ESYT2: variants seen among roughly 807,000 people sequenced by gnomAD.
The protein encoded by ESYT2 is extended synaptotagmin 2, also known as extended synaptotagmin-2.
In ESYT2, 54 loss-of-function variants were observed where a neutral mutation model predicts 107.2. The ratio of observed to expected loss-of-function variants is 0.50; its 90% confidence interval spans 0.40 to 0.63. The LOEUF is 0.63. Among genes scored for constraint, ESYT2 ranks in the 30% least tolerant of loss-of-function variants. ESYT2 has a pLI of 0.00. For missense variants in ESYT2, 1,020 were observed against 1,094.5 expected (o/e 0.93, Z 0.96); for synonymous variants, 491 against 434.1 (o/e 1.13, Z -1.63).
intron 1 of ESYT2, among the ~76,000 whole-genome samples, chr7:158,828,724 CGG>C (rs950833523): frequency 1.3e-5 from 2 of 152,114 alleles, no homozygotes; most frequent in African/African-American, 4.8e-5. Context: ...CGGCCCCAGG[CGG>C]ACAGGTTCGC....
At position 158,787,045 on chromosome 7, in the gene ESYT2, G is replaced by A. The variant is rs534165652; in HGVS notation, c.747+959C>T. Among the ~76,000 whole-genome samples the A allele has an allele frequency of 2.6e-5, 4 of 152,258 alleles. No individual in the cohort carries two copies. In the South Asian group the frequency reaches 8.3e-4, roughly 32 times the overall value. On this transcript the variant is annotated intron_variant, in intron 6 of 22. Coordinates refer to ENST00000275418, the MANE Select transcript of ESYT2 (RefSeq NM_001367773.1). ...TGTGGGCTGATACAGACAACCATAT[G>A]GGCAGTGTGCACCTGGAGAAGATGA...
intron 21 of ESYT2, among the ~76,000 whole-genome samples, chr7:158,735,073 CACAGCTGACGAAA>C (rs1189505113): frequency 6.6e-6 from 1 of 152,238 alleles, no homozygotes; most frequent in Non-Finnish European, 1.5e-5. Context: ...TCCATGGCAG[CACAGCTGACGAAA>C]TGATGCCCGT....
At chr7:158,786,214 T>C (rs546607938) in intron 6 of ESYT2, among the ~76,000 whole-genome samples, 3 of 152,346 alleles carry the variant, frequency 2.0e-5, no homozygotes, top group South Asian at 4.1e-4. Context: ...AACAGCACTA[T>C]TAAATTTTGA....
At chr7:158,790,598 C>A (rs1321323080) in intron 4 of ESYT2, among the ~76,000 whole-genome samples, 1 of 152,164 alleles carries the variant, frequency 6.6e-6, no homozygotes, top group Non-Finnish European at 1.5e-5. Context: ...TCTTCAATTT[C>A]TGTTTTTTTC....
chr7:158,827,261 G>A (rs1020371639), intron 1 of ESYT2, among the ~76,000 whole-genome samples: 4 of 151,782 alleles, frequency 2.6e-5, no homozygotes, highest in African/African-American at 9.7e-5. Flanking sequence ...ATCTATGAAA[G>A]TCAGCATCAT....
intron 7 of ESYT2, among the ~76,000 whole-genome samples, chr7:158,768,198 T>C (rs1008622536): frequency 1.2e-4 from 19 of 152,310 alleles, no homozygotes; most frequent in Non-Finnish European, 2.4e-4. Context: ...CAAACATACA[T>C]ATAAGTACAG....
intron 10 of ESYT2, among the ~76,000 whole-genome samples, chr7:158,762,755 C>A (rs539525876): frequency 6.6e-6 from 1 of 152,184 alleles, no homozygotes; most frequent in African/African-American, 2.4e-5. Context: ...GAACTCAATA[C>A]GGCGGCAGGT....
At chr7:158,801,314 TTAG>T (rs914005448) in intron 1 of ESYT2, among the ~76,000 whole-genome samples, 7 of 152,250 alleles carry the variant, frequency 4.6e-5, no homozygotes, top group Non-Finnish European at 8.8e-5. Flanking sequence ...GAGCCGTCTC[TTAG>T]TAGTGTTATC....
chr7:158,829,173 C>T lies in ESYT2; in HGVS notation c.246G>A (p.Leu82=). The change falls in exon 1 of 23, where the codon CTG becomes CTA. Residue 82 remains leucine (L), a synonymous_variant. Transcript: ENST00000275418. The stretch of plus-strand genomic sequence containing the variant: ...GCAGCGCCAGCGCGCGGCACAGGCG[C>T]AGGGCCTTGAGGCCGCGGCTGCGGC... ...WCRRSRGLKA[L]RLCRALALLE... 17 of 1,546,616 alleles carry T rather than the reference C, an allele frequency of 1.1e-5. No homozygotes were observed. Among genetic ancestry groups the T allele is most frequent in the Non-Finnish European group, 1.5e-5 (17 of 1,154,806 alleles).
intron 13 of ESYT2, 59 bp from the exon 14 acceptor site, chr7:158,752,902 A>G: frequency 8.8e-7 from 1 of 1,133,684 alleles, no homozygotes; most frequent in Non-Finnish European, 1.2e-6. Flanking sequence ...AATGAAGTTT[A>G]TGTAAGGTTA....
chr7:158,747,067 G>C (rs959624710), intron 16 of ESYT2, among the ~76,000 whole-genome samples: 1 of 150,236 alleles, frequency 6.7e-6, no homozygotes, highest in Admixed American at 6.7e-5. Context: ...ACAAAGAGGC[G>C]GGGTGCGTTG....
intron 6 of ESYT2, among the ~76,000 whole-genome samples, chr7:158,787,568 A>C (rs1839154827): frequency 6.6e-6 from 1 of 152,214 alleles, no homozygotes; most frequent in Admixed American, 6.5e-5. Context: ...TATCAGACTA[A>C]ACTGGATCTG....
intron 1 of ESYT2, among the ~76,000 whole-genome samples, chr7:158,812,884 C>A (rs548143274): frequency 3.8e-4 from 58 of 152,146 alleles, no homozygotes; most frequent in Non-Finnish European, 7.3e-4. Flanking sequence ...AACAGGTAAA[C>A]CCACAGATAC....
chr7:158,826,034 AC>A lies in ESYT2; in HGVS notation c.330+3054del, dbSNP rs1354849010. On this transcript the variant is annotated intron_variant, in intron 1 of 22. Transcript: ENST00000275418. The stretch of plus-strand genomic sequence containing the variant: ...AACTCATCTCTAGAAAAAAAAAAAA[AC>A]AAAAACAAACCCAAAGTGCAAGTAA... Among the ~76,000 whole-genome samples the A allele has an allele frequency of 3.1e-4, 47 of 150,440 alleles. No homozygotes were observed. The South Asian group carries it at 4.2e-3, about 13-fold the overall frequency.
intron 7 of ESYT2, among the ~76,000 whole-genome samples, chr7:158,770,601 G>A (rs899544489): frequency 2.6e-5 from 4 of 151,766 alleles, no homozygotes; most frequent in South Asian, 2.1e-4. Flanking sequence ...TGCAAGCTCC[G>A]CCTCCTGGGT....
chr7:158,786,206 C>T (rs973679717), intron 6 of ESYT2, among the ~76,000 whole-genome samples: 2 of 152,180 alleles, frequency 1.3e-5, no homozygotes, highest in Non-Finnish European at 2.9e-5. Context: ...AACTAAGTAA[C>T]AGCACTATTA....
chr7:158,738,107 G>T (rs1040208524), intron 19 of ESYT2, among the ~76,000 whole-genome samples: 1 of 151,928 alleles, frequency 6.6e-6, no homozygotes, highest in Admixed American at 6.6e-5. Context: ...TATAGTCCCA[G>T]CTACTCAGGA....
At chr7:158,807,145 G>T (rs1839852913) in intron 1 of ESYT2, among the ~76,000 whole-genome samples, 2 of 151,490 alleles carry the variant, frequency 1.3e-5, no homozygotes, top group Non-Finnish European at 2.9e-5. Context: ...CACCTACTCA[G>T]GAGGCTGAGG....
chr7:158,812,264 G>A lies in ESYT2; in HGVS notation c.331-13192C>T, dbSNP rs552495641. ...ACAGCCACTTCGCCGAGACTGCTAA[G>A]TTCTGAGGTGTGAATATTCCCACTA... On this transcript the variant is annotated intron_variant, in intron 1 of 22. Coordinates refer to ENST00000275418, the MANE Select transcript of ESYT2 (RefSeq NM_001367773.1). Among the ~76,000 whole-genome samples the A allele has an allele frequency of 9.8e-5, 15 of 152,322 alleles. No homozygotes were observed. The East Asian group carries it at 2.7e-3, about 27-fold the overall frequency.
Sources: gnomAD v4.1 joint callset for allele counts (sites outside exome capture counted in the v4.1 genomes callset) on GRCh38, gnomAD v4.1.1 for gene constraint, MANE v1.5 for transcripts, NCBI Gene and HGNC (gene_info 2026-07-23, HGNC 2026-07-21) for gene names.